Variants in EVA1A observed in about 807,000 individuals in gnomAD.
EVA1A encodes the protein protein eva-1 homolog A.
EVA1A carries 7 observed loss-of-function variants against 9.8 expected under a neutral mutation model. That is an observed-to-expected ratio of 0.71 (90% confidence interval 0.41 to 1.34). The LOEUF (loss-of-function observed/expected upper bound fraction) is 1.34, where lower values mean the gene tolerates loss of function less well. EVA1A is among the 40% of genes most tolerant of loss of function. The pLI, the probability that EVA1A is intolerant of heterozygous loss-of-function variation, is 0.01. For synonymous variants in EVA1A, 90 were observed against 85.6 expected (o/e 1.05, Z -0.28); for missense variants, 206 against 205.9 (o/e 1.00, Z 0.00).
chr2:75,541,555 C>T (rs1290375502), intron 1 of EVA1A, among the ~76,000 whole-genome samples: 2 of 152,124 alleles, frequency 1.3e-5, no homozygotes, highest in Admixed American at 6.5e-5. Flanking sequence ...TAAGTCTGGG[C>T]ATCAAGGTGG....
At chr2:75,527,781 T>C (rs2901668) in intron 1 of EVA1A, among the ~76,000 whole-genome samples, 36,655 of 150,646 alleles carry the variant, frequency 0.24, 4,717 homozygotes, top group African/African-American at 0.33. Flanking sequence ...TAATGAGGAG[T>C]GTTTGGAGAC....
chr2:75,523,154 A>C (rs1675291403), intron 1 of EVA1A, among the ~76,000 whole-genome samples: 1 of 152,074 alleles, frequency 6.6e-6, no homozygotes, highest in South Asian at 2.1e-4. Flanking sequence ...CCTTCCAACT[A>C]CTGTGGCTTC....
intron 1 of EVA1A, among the ~76,000 whole-genome samples, chr2:75,538,631 C>T (rs1396326238): frequency 1.3e-5 from 2 of 152,176 alleles, no homozygotes; most frequent in Non-Finnish European, 2.9e-5. Context: ...AACTGTAGTA[C>T]ATCTATACCA....
rs1480086305 is a variant in EVA1A, at chr2:75,492,918, T to C, written c.*318A>G. On this transcript the variant is annotated 3_prime_UTR_variant, in exon 4 of 4. Transcript: ENST00000393913. The stretch of plus-strand genomic sequence containing the variant: ...AAAGGAATAACACAGAGCAAGGAAG[T>C]CTGCTGAAACTTCTGAGATCCTCAG... 2.3e-5 allele frequency: 8 copies of C among 346,556 alleles called. No individual in the cohort carries two copies. In the East Asian group the frequency reaches 4.4e-4, roughly 19 times the overall value. 21.5% of individuals were successfully genotyped at this position (346,556 alleles called of 1,614,324 possible). A position where few individuals can be genotyped will look rare whatever the true frequency, so the allele number is the denominator to read the frequency against.
At chr2:75,535,281 T>C (rs1438484172) in intron 1 of EVA1A, among the ~76,000 whole-genome samples, 2 of 101,196 alleles carry the variant, frequency 2.0e-5, no homozygotes, top group African/African-American at 9.9e-5. Context: ...AAGCAATAGA[T>C]GGCATAGATA....
chr2:75,568,683 T>C (rs1335978345), intron 1 of EVA1A, among the ~76,000 whole-genome samples: 1 of 152,202 alleles, frequency 6.6e-6, no homozygotes, highest in Non-Finnish European at 1.5e-5. Context: ...ATAGTTTGGC[T>C]CTCATTCATA....
intron 1 of EVA1A, among the ~76,000 whole-genome samples, chr2:75,560,188 G>C (rs1676873675): frequency 6.6e-6 from 1 of 152,136 alleles, no homozygotes; most frequent in Non-Finnish European, 1.5e-5. Context: ...TCGGCTTTCG[G>C]GGTCCTGGGG....
At position 75,528,769 on chromosome 2, in the gene EVA1A, G is replaced by A. The variant is rs200460896; in HGVS notation, c.-191-6282C>T. 1.4e-4 allele frequency among the ~76,000 whole-genome samples: 21 copies of A among 152,248 alleles called. No homozygotes were observed. The East Asian group carries it at 3.9e-3, about 28-fold the overall frequency. On this transcript the variant is annotated intron_variant, in intron 1 of 3. Coordinates refer to ENST00000393913, the MANE Select transcript of EVA1A (RefSeq NM_001135032.2). ...TGCCTGAGAAACCCGAAGTTATCCAGGTGACCTTAGGGCAAGCTTGCATCC... is the reference window on the plus strand; with the variant it reads ...TGCCTGAGAAACCCGAAGTTATCCAAGTGACCTTAGGGCAAGCTTGCATCC...
chr2:75,555,310 T>TCC (rs1676668928), intron 1 of EVA1A, among the ~76,000 whole-genome samples: 1 of 103,524 alleles, frequency 9.7e-6, no homozygotes, highest in Admixed American at 9.5e-5. Context: ...AATCTCTCTC[T>TCC]CTCTCTCTCT....
chr2:75,517,845 C>G, intron 3 of EVA1A: 2 of 734,782 alleles, frequency 2.7e-6, no homozygotes, highest in Non-Finnish European at 5.0e-6. Flanking sequence ...CAAGACAAAG[C>G]TCTTAGAACC....
chr2:75,515,199 T>A (rs1389067370), intron 3 of EVA1A, among the ~76,000 whole-genome samples: 3 of 152,220 alleles, frequency 2.0e-5, no homozygotes, highest in Admixed American at 6.5e-5. Flanking sequence ...CTTTAACTCT[T>A]CTTCATTAAT....
chr2:75,538,110 T>G (rs1441525742), intron 1 of EVA1A, among the ~76,000 whole-genome samples: 2 of 151,954 alleles, frequency 1.3e-5, no homozygotes, highest in Non-Finnish European at 2.9e-5. Flanking sequence ...ACCAATATGG[T>G]GAAACCCTGT....
intron 3 of EVA1A, among the ~76,000 whole-genome samples, chr2:75,500,081 C>G (rs1253206985): frequency 6.6e-6 from 1 of 152,176 alleles, no homozygotes; most frequent in Non-Finnish European, 1.5e-5. Flanking sequence ...TCCCCCACCC[C>G]ACATCCCATC....
chr2:75,515,705 T>C (rs1279110630), intron 3 of EVA1A, among the ~76,000 whole-genome samples: 2 of 152,218 alleles, frequency 1.3e-5, no homozygotes, highest in Admixed American at 1.3e-4. Flanking sequence ...TGCCTCCTTT[T>C]ATATAAACCG....
chr2:75,544,258 G>A lies in EVA1A; in HGVS notation c.-192+16422C>T, dbSNP rs555226227. Among the ~76,000 whole-genome samples, 6 of 152,200 alleles carry A rather than the reference G, an allele frequency of 3.9e-5. No individual in the cohort carries two copies. The East Asian group carries it at 9.6e-4, about 24-fold the overall frequency. On this transcript the variant is annotated intron_variant, in intron 1 of 3. Transcript: ENST00000393913. ...ACTACCATCACCCTGGCCCCCTAGC[G>A]CCATGCTCAATTAAAGGCCAGGAAG...
At chr2:75,547,519 T>G (rs1369020983) in intron 1 of EVA1A, among the ~76,000 whole-genome samples, 1 of 152,204 alleles carries the variant, frequency 6.6e-6, no homozygotes, top group Admixed American at 6.5e-5. Context: ...GCAGGTGACC[T>G]CCCAGATGTG....
intron 3 of EVA1A, among the ~76,000 whole-genome samples, chr2:75,495,608 T>G (rs1368439970): frequency 6.6e-6 from 1 of 152,154 alleles, no homozygotes. Flanking sequence ...TTGTTAAAAT[T>G]TTTTATAATC....
At chr2:75,547,075 C>G (rs1481410520) in intron 1 of EVA1A, among the ~76,000 whole-genome samples, 1 of 152,152 alleles carries the variant, frequency 6.6e-6, no homozygotes, top group African/African-American at 2.4e-5. Context: ...TTCTAAGCCA[C>G]CCAATTTGTG....
chr2:75,520,517 T>C (rs1297338084), intron 2 of EVA1A, among the ~76,000 whole-genome samples: 2 of 152,074 alleles, frequency 1.3e-5, no homozygotes, highest in East Asian at 1.9e-4. Context: ...TGGAATAGAA[T>C]AGAACATCCA....
Sources: gnomAD v4.1 joint callset for allele counts (sites outside exome capture counted in the v4.1 genomes callset) on GRCh38, gnomAD v4.1.1 for gene constraint, MANE v1.5 for transcripts, NCBI Gene and HGNC (gene_info 2026-07-23, HGNC 2026-07-21) for gene names.